The following WARS2 variants were observed in gnomAD, a reference collection of about 807,000 sequenced individuals.
The protein encoded by WARS2 is tryptophanyl tRNA synthetase 2, mitochondrial, also known as tryptophan--tRNA ligase, mitochondrial.
A neutral mutation model predicts 36.5 loss-of-function variants in WARS2; 28 were observed. That is an observed-to-expected ratio of 0.77 (90% CI 0.57 to 1.05). WARS2 has a LOEUF of 1.05. Among genes scored for constraint, WARS2 ranks in the 50% least tolerant of loss-of-function variants. The pLI is 0.00. For synonymous variants in WARS2, 174 were observed against 178.4 expected, an observed-to-expected ratio of 0.98 and a Z score of 0.20; for missense variants, 435 against 456.8, an observed-to-expected ratio of 0.95 and a Z score of 0.44.
intron 2 of WARS2, among the ~76,000 whole-genome samples, chr1:119,058,194 G>C (rs962380629): frequency 2.6e-5 from 4 of 151,972 alleles, no homozygotes; most frequent in Non-Finnish European, 1.5e-5. Context: ...TCTAGCTGGA[G>C]ACCTAACACC....
At chr1:119,122,159 T>A (rs1655365082) in intron 1 of WARS2, among the ~76,000 whole-genome samples, 1 of 152,172 alleles carries the variant, frequency 6.6e-6, no homozygotes, top group African/African-American at 2.4e-5. Flanking sequence ...AAAGGACTAA[T>A]ATCCAGAATC....
Position 119,073,595 on chromosome 1 carries a change from G to C in WARS2, c.348+2755C>G, listed in dbSNP as rs140427129. On this transcript the variant is annotated intron_variant, in intron 2 of 5. Transcript: ENST00000235521. ...AGCTTTACAACTGCATTAAGGCTAT[G>C]AGGAGAAGACGGGCACATACCAGTC... Among the ~76,000 whole-genome samples the C allele has an allele frequency of 1.7e-4, 26 of 152,324 alleles. No homozygotes were observed. In the East Asian group the frequency reaches 3.9e-3, roughly 23 times the overall value.
At chr1:119,072,699 G>A (rs920425742) in intron 2 of WARS2, among the ~76,000 whole-genome samples, 2 of 152,096 alleles carry the variant, frequency 1.3e-5, no homozygotes, top group Non-Finnish European at 2.9e-5. Flanking sequence ...GAGAGTCAGG[G>A]TAATTTGGGT....
rs1008416601 is a variant in WARS2, at chr1:119,056,784, T to A, written c.349-11122A>T. 3.3e-5 allele frequency among the ~76,000 whole-genome samples: 5 copies of A among 151,998 alleles called. No homozygotes were observed. In the South Asian group the frequency reaches 6.2e-4, roughly 19 times the overall value. On this transcript the variant is annotated intron_variant, in intron 2 of 5. Coordinates refer to ENST00000235521, the MANE Select transcript of WARS2 (RefSeq NM_015836.4). The stretch of plus-strand genomic sequence containing the variant: ...GTGGATTTGTTTGGCTTATTCTATA[T>A]CATTTAAATGAAATTATATAATATA...
At chr1:119,084,278 G>T (rs587657367) in intron 1 of WARS2, among the ~76,000 whole-genome samples, 1 of 152,156 alleles carries the variant, frequency 6.6e-6, no homozygotes, top group South Asian at 2.1e-4. Flanking sequence ...TGGGGAGGAG[G>T]GAGGAAATGG....
chr1:119,091,190 T>C (rs587653303), intron 1 of WARS2, among the ~76,000 whole-genome samples: 2 of 152,366 alleles, frequency 1.3e-5, no homozygotes, highest in East Asian at 3.9e-4. Context: ...GCAAATTATG[T>C]AACCTCTCTG....
rs759396511 is a variant in WARS2 at position 119,032,923 on chromosome 1, C to T, written c.1071G>A (p.Val357=). The change falls in exon 6 of 6, where the codon GTG becomes GTA. Residue 357 remains valine, a synonymous_variant. Transcript: ENST00000235521. ...TCGTTGAAACTTCCTATAGAAAACCCACCAATTTCTTCACCTCCTGGCACA... is the reference window on the plus strand; with the variant it reads ...TCGTTGAAACTTCCTATAGAAAACCTACCAATTTCTTCACCTCCTGGCACA... ...YTVCQEVKKL[V]GFL 1.3e-5 allele frequency: 21 copies of T among 1,610,850 alleles called. No homozygotes were observed. In the Middle Eastern group the frequency reaches 5.0e-4, roughly 38 times the overall value.
intron 2 of WARS2, among the ~76,000 whole-genome samples, chr1:119,048,906 T>C (rs1649096674): frequency 6.6e-6 from 1 of 151,866 alleles, no homozygotes; most frequent in Non-Finnish European, 1.5e-5. Context: ...CTACTAAAAA[T>C]ACAAATATTA....
At chr1:119,077,315 T>C (rs1438321205) in intron 1 of WARS2, among the ~76,000 whole-genome samples, 3 of 151,992 alleles carry the variant, frequency 2.0e-5, no homozygotes, top group African/African-American at 7.2e-5. Context: ...TAACTGAGGT[T>C]TGGTGGTCAA....
intron 1 of WARS2, among the ~76,000 whole-genome samples, chr1:119,088,164 CATT>C (rs1165115600): frequency 6.6e-6 from 1 of 152,116 alleles, no homozygotes; most frequent in African/African-American, 2.4e-5. Flanking sequence ...CAGATAAAAA[CATT>C]ATGAATGAAA....
At chr1:119,129,380 T>TA (rs1348808178) in intron 1 of WARS2, among the ~76,000 whole-genome samples, 2 of 152,156 alleles carry the variant, frequency 1.3e-5, no homozygotes, top group African/African-American at 4.8e-5. Flanking sequence ...TGAATACAGT[T>TA]AGACATAGAT....
chr1:119,050,192 C>T (rs980849457), intron 2 of WARS2, among the ~76,000 whole-genome samples: 4 of 152,174 alleles, frequency 2.6e-5, no homozygotes, highest in Non-Finnish European at 5.9e-5. Flanking sequence ...CAAGTACACT[C>T]TTACATTAAG....
At chr1:119,079,468 C>G (rs1247859601) in intron 1 of WARS2, among the ~76,000 whole-genome samples, 1 of 152,038 alleles carries the variant, frequency 6.6e-6, no homozygotes, top group Non-Finnish European at 1.5e-5. Context: ...GCTGCAATTG[C>G]TGGTTGGGGT....
chr1:119,048,896 C>T (rs906691910), intron 2 of WARS2, among the ~76,000 whole-genome samples: 4 of 152,082 alleles, frequency 2.6e-5, no homozygotes, highest in Non-Finnish European at 4.4e-5. Context: ...AAACCCGTCT[C>T]TACTAAAAAT....
chr1:119,085,987 A>C (rs1276544477), intron 1 of WARS2: 3 of 1,605,134 alleles, frequency 1.9e-6, no homozygotes, highest in Non-Finnish European at 2.6e-6. Context: ...TTCAGGTATC[A>C]GTGCCCAGGC....
chr1:119,056,186 ATT>A (rs751264352), intron 2 of WARS2, among the ~76,000 whole-genome samples: 347 of 116,150 alleles, frequency 3.0e-3, no homozygotes, highest in Non-Finnish European at 4.2e-3. Flanking sequence ...TGCCTGGCTA[ATT>A]TTTTTTTTTT....
intron 2 of WARS2, among the ~76,000 whole-genome samples, chr1:119,072,975 T>G (rs991160192): frequency 2.6e-5 from 4 of 151,768 alleles, no homozygotes; most frequent in African/African-American, 9.7e-5. Context: ...GACAACGTTG[T>G]GAGACCCCAT....
chr1:119,111,274 T>C (rs938362621), intron 1 of WARS2, among the ~76,000 whole-genome samples: 1 of 152,152 alleles, frequency 6.6e-6, no homozygotes, highest in Non-Finnish European at 1.5e-5. Flanking sequence ...TAGTGGCAAG[T>C]TGTAGGGGGT....
intron 2 of WARS2, among the ~76,000 whole-genome samples, chr1:119,071,513 TG>T (rs1651314949): frequency 6.6e-6 from 1 of 152,160 alleles, no homozygotes; most frequent in African/African-American, 2.4e-5. Context: ...TATTCAGCCT[TG>T]AAAAAGGAAA....
Sources: allele counts gnomAD v4.1 joint callset (sites outside exome capture counted in the v4.1 genomes callset), GRCh38; gene constraint gnomAD v4.1.1; transcripts MANE v1.5; gene names NCBI Gene and HGNC (gene_info 2026-07-23, HGNC 2026-07-21).